The following ASPHD1 variants were observed in gnomAD, a reference collection of about 807,000 sequenced individuals.
ASPHD1 encodes the protein aspartate beta-hydroxylase domain containing 1.
A neutral mutation model predicts 28.3 loss-of-function variants in ASPHD1; 20 were observed. That is an observed-to-expected ratio of 0.71 (90% CI 0.50 to 1.03). The LOEUF (loss-of-function observed/expected upper bound fraction) is 1.03, where lower values mean the gene tolerates loss of function less well. Ranked by LOEUF, ASPHD1 falls within the 50% of genes least tolerant of loss-of-function variation. ASPHD1 has a pLI of 0.00. For synonymous variants in ASPHD1, 240 were observed against 221.2 expected (o/e 1.08, Z -0.75); for missense variants, 479 against 524.1 (o/e 0.91, Z 0.84).
intron 2 of ASPHD1, among the ~76,000 whole-genome samples, chr16:29,905,337 A>AT (rs1235122455): frequency 6.6e-6 from 1 of 152,104 alleles, no homozygotes; most frequent in African/African-American, 2.4e-5. Context: ...AAGAGTTGAT[A>AT]CATATCGGCC....
intron 2 of ASPHD1, 60 bp downstream of exon 2, chr16:29,905,025 T>C (rs2068589194): frequency 6.9e-6 from 9 of 1,296,158 alleles, no homozygotes; most frequent in Non-Finnish European, 9.9e-6. Flanking sequence ...GAGCGTTGAC[T>C]AGAAGGCAGC....
chr16:29,915,242 T>C (rs990429062), intron 3 of ASPHD1: 1 of 152,266 alleles, frequency 6.6e-6, no homozygotes, highest in Admixed American at 6.5e-5. Flanking sequence ...TTGCACTGGC[T>C]CTGTCCCTTT....
intron 3 of ASPHD1, chr16:29,911,893 G>A (rs367845684): frequency 6.2e-7 from 1 of 1,611,706 alleles, no homozygotes; most frequent in East Asian, 2.2e-5. Flanking sequence ...GGATGGACGA[G>A]AGGGGTGAGG....
Position 29,901,551 on chromosome 16 carries a change from GA to G in ASPHD1, c.581del (p.Asp194AlafsTer34), listed in dbSNP as rs1486300595. 6.4e-7 allele frequency: 1 copy of G among 1,558,694 alleles called. No homozygotes were observed. The highest frequency in any genetic ancestry group is 8.6e-7 in the Non-Finnish European group (1 of 1,158,802). On this transcript the variant is annotated frameshift_variant, in exon 1 of 3. Transcript: ENST00000308748. LOFTEE classifies it high-confidence loss of function. This position sits in a 1 kb window ranked among gnomAD's most constrained non-coding sequence, Gnocchi z 5.1. The stretch of plus-strand genomic sequence containing the variant: ...GCGCCCAGGCCTGCTTTTCCTACCA[GA>G]CCTGCCTTCAGCCCCCTTTGTGCCG... ...IQRPGLLFLPDLPSAPFVPRD... is the reference protein window; with the variant it reads ...IQRPGLLFLPXLPSAPFVPRD...
At chr16:29,904,657 C>T (rs78694854) in intron 1 of ASPHD1, among the ~76,000 whole-genome samples, 195 bp from the exon 2 acceptor site, 4 of 151,426 alleles carry the variant, frequency 2.6e-5, no homozygotes, top group African/African-American at 4.8e-5. Flanking sequence ...CCCACAGCAG[C>T]GTTTCCCTAA....
chr16:29,910,571 C>G (rs1334690245), downstream of ASPHD1, among the ~76,000 whole-genome samples: 1 of 152,064 alleles, frequency 6.6e-6, no homozygotes, highest in Non-Finnish European at 1.5e-5. Flanking sequence ...GTTGCCCAGG[C>G]TGGTCTCGAA....
chr16:29,906,145 TTTC>T (rs1424946428), downstream of ASPHD1: 9 of 287,506 alleles, frequency 3.1e-5, no homozygotes, highest in South Asian at 1.3e-4. Flanking sequence ...CTTTTTTTTC[TTTC>T]TTTTTTTTTT....
At chr16:29,907,124 C>G (rs777105072), downstream of ASPHD1, 4 of 1,571,934 alleles carry the variant, frequency 2.5e-6, no homozygotes, top group Non-Finnish European at 3.5e-6. Context: ...AAAGGCCAGC[C>G]GGCCCCAGCT....
At chr16:29,919,784 GA>G (rs2150842892), downstream of ASPHD1, 1 of 152,172 alleles carries the variant, frequency 6.6e-6, no homozygotes, top group African/African-American at 2.4e-5. Context: ...AAACGACCTG[GA>G]AGAATATTTG....
downstream of ASPHD1, chr16:29,907,063 G>C (rs1486625085): frequency 6.2e-7 from 1 of 1,613,090 alleles, no homozygotes; most frequent in Non-Finnish European, 8.5e-7. Context: ...TCGTAGATGA[G>C]GATGTTCAGG....
intron 3 of ASPHD1, chr16:29,913,230 C>G (rs930571765): frequency 4.0e-5 from 6 of 151,586 alleles, no homozygotes; most frequent in African/African-American, 1.2e-4. Context: ...TCAAGCCATC[C>G]TCCCAAACTT....
At chr16:29,918,892 T>TCA (rs2068859617) in intron 3 of ASPHD1, among the ~76,000 whole-genome samples, 1 of 151,276 alleles carries the variant, frequency 6.6e-6, no homozygotes, top group Non-Finnish European at 1.5e-5. Context: ...ACTCCTGACC[T>TCA]TGTGATCCAC....
intron 3 of ASPHD1, among the ~76,000 whole-genome samples, chr16:29,912,744 A>G (rs1224796080): frequency 6.6e-6 from 1 of 152,202 alleles, no homozygotes; most frequent in African/African-American, 2.4e-5. Context: ...CAGGCCTATC[A>G]GTTCATTTTC....
At chr16:29,911,873 G>C (rs747943303) in intron 3 of ASPHD1, 12 of 1,612,028 alleles carry the variant, frequency 7.4e-6, no homozygotes, top group Non-Finnish European at 1.0e-5. Flanking sequence ...ACGGGCTGGC[G>C]GGGGAGAGAG....
At chr16:29,907,519 A>T (rs1160718216), downstream of ASPHD1, among the ~76,000 whole-genome samples, 1 of 152,064 alleles carries the variant, frequency 6.6e-6, no homozygotes, top group East Asian at 1.9e-4. Flanking sequence ...TGGCGCAGTG[A>T]CTCAGGCCTG....
Position 29,904,864 on chromosome 16 carries a change from C to T in ASPHD1, c.962C>T (p.Pro321Leu), listed in dbSNP as rs750312606. ...TCTCTTCTTACAGGCCTAAAGATCC[C>T]TCCTGGCTGTGAGCTGGTGGTCGGC... is the stretch of plus-strand genomic sequence containing the variant. ...RVRCHLGLKI[P>L]PGCELVVGGE... Residue 321 changes from proline (P) to leucine (L), a missense_variant, in exon 2 of 3, where the codon CCT (proline) becomes CTT (leucine). Coordinates refer to ENST00000308748, the MANE Select transcript of ASPHD1 (RefSeq NM_181718.4). The T allele has an allele frequency of 6.2e-7, 1 of 1,612,294 alleles. No individual in the cohort carries two copies. Among genetic ancestry groups the T allele is most frequent in the Admixed American group, 1.7e-5 (1 of 59,440 alleles).
chr16:29,914,489 G>A (rs2068774833), intron 3 of ASPHD1: 1 of 144,250 alleles, frequency 6.9e-6, no homozygotes, highest in South Asian at 2.2e-4. Flanking sequence ...AAGCTGAAGT[G>A]CAGAGCCACC....
chr16:29,907,021 C>T (rs775680948), downstream of ASPHD1: 2 of 1,614,168 alleles, frequency 1.2e-6, no homozygotes, highest in Non-Finnish European at 1.7e-6. Flanking sequence ...CCTGTGGCCT[C>T]CAGGAGGGCT....
At chr16:29,909,114 A>G (rs2068661760), downstream of ASPHD1, among the ~76,000 whole-genome samples, 1 of 152,110 alleles carries the variant, frequency 6.6e-6, no homozygotes, top group African/African-American at 2.4e-5. Flanking sequence ...GGGCCCAGCT[A>G]ATGGGAGATA....
Sources: gnomAD v4.1 joint callset for allele counts (sites outside exome capture counted in the v4.1 genomes callset) on GRCh38, gnomAD v4.1.1 for gene constraint, Gnocchi (gnomAD v3.1) non-coding constraint, MANE v1.5 for transcripts, NCBI Gene and HGNC (gene_info 2026-07-23, HGNC 2026-07-21) for gene names.